LRRC4C: variants seen among roughly 807,000 people sequenced by gnomAD.
LRRC4C encodes leucine rich repeat containing 4C.
In LRRC4C, 5 loss-of-function variants were observed where a neutral mutation model predicts 33.6. The ratio of observed to expected loss-of-function variants is 0.15; its 90% CI spans 0.08 to 0.31. The LOEUF (loss-of-function observed/expected upper bound fraction) is 0.31, where lower values mean the gene tolerates loss of function less well. Among genes scored for constraint, LRRC4C ranks in the 10% least tolerant of loss-of-function variants. The pLI is 1.00. For missense variants in LRRC4C, 560 were observed against 796.7 expected, an observed-to-expected ratio of 0.70 and a Z score of 3.58; for synonymous variants, 329 against 302.0, an observed-to-expected ratio of 1.09 and a Z score of -0.93.
chr11:40,860,159 A>G (rs1417212514), intron 2 of LRRC4C, among the ~76,000 whole-genome samples: 1 of 152,046 alleles, frequency 6.6e-6, no homozygotes, highest in Non-Finnish European at 1.5e-5. Context: ...GCTAAATGAA[A>G]GAGGTCAAAC....
At chr11:40,254,172 A>C (rs186181635) in intron 4 of LRRC4C, among the ~76,000 whole-genome samples, 1 of 152,362 alleles carries the variant, frequency 6.6e-6, no homozygotes, top group African/African-American at 2.4e-5. Context: ...ATAAAGCTCC[A>C]AACTACCAGC....
chr11:41,214,853 TAAGTA>T (rs1308400830), intron 1 of LRRC4C, among the ~76,000 whole-genome samples: 1 of 147,254 alleles, frequency 6.8e-6, no homozygotes, highest in Admixed American at 6.8e-5. Flanking sequence ...AATAAATGCT[TAAGTA>T]AATTGTGGTT....
chr11:41,323,573 T>C (rs1160768116), intron 1 of LRRC4C, among the ~76,000 whole-genome samples: 1 of 152,172 alleles, frequency 6.6e-6, no homozygotes, highest in Non-Finnish European at 1.5e-5. Flanking sequence ...AAAATCCACT[T>C]ACAGGAAAAT....
At chr11:40,144,925 T>C (rs980904001) in intron 5 of LRRC4C, among the ~76,000 whole-genome samples, 2 of 152,220 alleles carry the variant, frequency 1.3e-5, no homozygotes, top group African/African-American at 4.8e-5. Flanking sequence ...CTTTAACACA[T>C]TGCACTTCTA....
rs76214527 is a variant in LRRC4C at position 41,112,057 on chromosome 11, C to T, written c.-495-178334G>A. Among the ~76,000 whole-genome samples the T allele has an allele frequency of 2.2e-4, 34 of 152,030 alleles. No homozygotes were observed. In the East Asian group the frequency reaches 5.6e-3, roughly 25 times the overall value. ...TATTATCTCTGTCTATATCCAATGA[C>T]CCTTCAAAATGTAGCAGAAGTTCAT... On this transcript the variant is annotated intron_variant, in intron 1 of 6. Coordinates refer to ENST00000528697, the MANE Select transcript of LRRC4C (RefSeq NM_001258419.2).
intron 3 of LRRC4C, among the ~76,000 whole-genome samples, chr11:40,557,387 G>A (rs957656617): frequency 2.0e-5 from 3 of 152,108 alleles, no homozygotes; most frequent in African/African-American, 7.2e-5. Flanking sequence ...ATCTTGATGA[G>A]CTATAGTAAA....
chr11:40,776,932 T>G (rs569368776), intron 2 of LRRC4C, among the ~76,000 whole-genome samples: 1 of 152,326 alleles, frequency 6.6e-6, no homozygotes, highest in Non-Finnish European at 1.5e-5. Context: ...ATGTCTCCTT[T>G]TTCACTTATT....
intron 2 of LRRC4C, among the ~76,000 whole-genome samples, chr11:40,803,685 G>T (rs1951133003): frequency 6.6e-6 from 1 of 152,030 alleles, no homozygotes; most frequent in Admixed American, 6.6e-5. Context: ...TCTACTAAAA[G>T]GATGGTCTCG....
rs56194204 is a variant in LRRC4C at position 41,389,639 on chromosome 11, C to CA, written c.-496+69791dup. ...CCTAATCTAGGATAACAGTGAGCAG[C>CA]AAAAAAAAAAAAAATCACAAAAGAA... On this transcript the variant is annotated intron_variant, in intron 1 of 6. Coordinates refer to ENST00000528697, the MANE Select transcript of LRRC4C (RefSeq NM_001258419.2). Among the ~76,000 whole-genome samples, 19 of 80,958 alleles carry CA rather than the reference C, an allele frequency of 2.3e-4. 1 individual carries two copies. The highest frequency in any genetic ancestry group is 9.1e-4 in the African/African-American group (19 of 20,904). 53.1% of individuals were successfully genotyped at this position (80,958 alleles called of 152,430 possible).
intron 4 of LRRC4C, among the ~76,000 whole-genome samples, chr11:40,255,819 C>G (rs1867161239): frequency 1.3e-5 from 2 of 152,140 alleles, no homozygotes; most frequent in Non-Finnish European, 2.9e-5. Flanking sequence ...GTATAAAGGC[C>G]ATTTGTTTGC....
At chr11:40,429,501 C>CTAG (rs1358454083) in intron 3 of LRRC4C, among the ~76,000 whole-genome samples, 3 of 151,702 alleles carry the variant, frequency 2.0e-5, no homozygotes, top group Non-Finnish European at 2.9e-5. Context: ...AACTCCTAGA[C>CTAG]TAGTGTTCAT....
intron 3 of LRRC4C, among the ~76,000 whole-genome samples, chr11:40,468,645 C>A (rs917408773): frequency 1.3e-5 from 2 of 152,012 alleles, no homozygotes; most frequent in African/African-American, 4.8e-5. Flanking sequence ...TTCATGCTGG[C>A]ATTTTGGCTA....
intron 2 of LRRC4C, among the ~76,000 whole-genome samples, chr11:40,658,295 C>T (rs1943239195): frequency 6.6e-6 from 1 of 152,150 alleles, no homozygotes; most frequent in Admixed American, 6.5e-5. Flanking sequence ...CTAAAAGAGC[C>T]TTATTTAAGG....
intron 1 of LRRC4C, among the ~76,000 whole-genome samples, chr11:41,301,657 A>G (rs988501010): frequency 7.9e-5 from 12 of 152,190 alleles, no homozygotes; most frequent in African/African-American, 2.9e-4. Context: ...TCTGTCAGAT[A>G]TTAAATAATT....
At chr11:41,021,237 G>T (rs189822350) in intron 1 of LRRC4C, among the ~76,000 whole-genome samples, 76 of 140,846 alleles carry the variant, frequency 5.4e-4, no homozygotes, top group African/African-American at 2.0e-3. Flanking sequence ...GTGTGTTTAA[G>T]AAAATTTAAT....
chr11:41,394,101 C>T (rs936974127), intron 1 of LRRC4C, among the ~76,000 whole-genome samples: 1 of 151,892 alleles, frequency 6.6e-6, no homozygotes, highest in Non-Finnish European at 1.5e-5. Flanking sequence ...AGTCTCTATC[C>T]TTCACTTTTT....
chr11:41,359,547 G>A (rs1305768093), intron 1 of LRRC4C, among the ~76,000 whole-genome samples: 1 of 152,004 alleles, frequency 6.6e-6, no homozygotes, highest in Non-Finnish European at 1.5e-5. Context: ...GTTTTTGAAA[G>A]GAAGGACACA....
chr11:41,304,173 G>A (rs1448690438), intron 1 of LRRC4C, among the ~76,000 whole-genome samples: 1,121 of 67,256 alleles, frequency 0.017, 12 homozygotes, highest in African/African-American at 0.035. Context: ...GAGGGAGGTG[G>A]GGGGGTCAGC....
intron 2 of LRRC4C, among the ~76,000 whole-genome samples, chr11:40,858,693 A>T (rs1457764045): frequency 3.4e-5 from 2 of 58,816 alleles, no homozygotes; most frequent in Middle Eastern, 7.2e-3. Flanking sequence ...ACTCCTTCTT[A>T]AAAAAAAAAA....
Sources: allele counts gnomAD v4.1 joint callset (sites outside exome capture counted in the v4.1 genomes callset), GRCh38; gene constraint gnomAD v4.1.1; transcripts MANE v1.5; gene names NCBI Gene and HGNC (gene_info 2026-07-23, HGNC 2026-07-21).